GMPPA: variants seen among roughly 807,000 people sequenced by gnomAD.
GMPPA encodes the protein GDP-mannose pyrophosphorylase A.
GMPPA carries 46 observed loss-of-function variants against 58.6 expected under a neutral mutation model. The observed-to-expected ratio is 0.78, with a 90% CI of 0.62 to 1.00. GMPPA has a LOEUF of 1.00. Ranked by LOEUF, GMPPA falls within the 50% of genes least tolerant of loss-of-function variation. The pLI, the probability that GMPPA is intolerant of heterozygous loss-of-function variation, is 0.00. For missense variants in GMPPA, 468 were observed against 556.4 expected (o/e 0.84, Z 1.60); for synonymous variants, 211 against 214.9 (o/e 0.98, Z 0.16).
chr2:219,506,659 C>T (rs753886368), intron 12 of GMPPA, 39 bp from the exon 13 acceptor site: 1 of 1,222,638 alleles, frequency 8.2e-7, no homozygotes, highest in South Asian at 1.2e-5. Flanking sequence ...CCTGTCTCCC[C>T]TCCCATGACC....
rs1694422131 is a variant in GMPPA at position 219,502,185 on chromosome 2, G to T, written c.429+148G>T. ...GATGCGCTGCTCTGGCAGCATGGAG[G>T]TGTTAGTGGAGACCCCGAGCCCTCT... On this transcript the variant is annotated intron_variant, in intron 5 of 12. Transcript: ENST00000313597. The surrounding 1 kb of genome is among the most constrained non-coding windows in gnomAD (Gnocchi z 4.0). 1 of 917,804 alleles carries T rather than the reference G, an allele frequency of 1.1e-6. No homozygotes were observed. The highest frequency in any genetic ancestry group is 1.7e-6 in the Non-Finnish European group (1 of 586,892). The allele number at this position is 917,804 out of a possible 1,614,324, so 56.9% of individuals were successfully genotyped here.
At position 219,502,292 on chromosome 2, in the gene GMPPA, C is replaced by G; in HGVS notation, c.430-90C>G. On this transcript the variant is annotated intron_variant, in intron 5 of 12. Coordinates refer to ENST00000313597, the MANE Select transcript of GMPPA (RefSeq NM_013335.4). The surrounding 1 kb of genome is among the most constrained non-coding windows in gnomAD (Gnocchi z 4.0). ...GCCTGTCAGTGGCAGAGCTGCATGC[C>G]AGGTGCTGTAGCGGAGGGAAAGAAA... is the stretch of plus-strand genomic sequence containing the variant. 1 of 1,153,970 alleles carries G rather than the reference C, an allele frequency of 8.7e-7. No individual in the cohort carries two copies. The highest frequency in any genetic ancestry group is 1.3e-6 in the Non-Finnish European group (1 of 768,792). 71.5% of individuals were successfully genotyped at this position (1,153,970 alleles called of 1,614,324 possible). A position where few individuals can be genotyped will look rare whatever the true frequency, so the allele number is the denominator to read the frequency against.
At position 219,504,190 on chromosome 2, in the gene GMPPA, G is replaced by A. The variant is rs776028863; in HGVS notation, c.597G>A (p.Gln199=). Residue 199 remains glutamine, a synonymous_variant, in exon 7 of 13, where the codon CAG becomes CAA. Transcript: ENST00000313597. ...TGAAGCCTCTTCGGGATGTCTTCCA[G>A]CGTAATCAGCAGGATGGGCAATTGT... is the stretch of plus-strand genomic sequence containing the variant. The part of the protein sequence containing the change: ...EALKPLRDVF[Q]RNQQDGQLED... 5.2e-5 allele frequency: 84 copies of A among 1,613,982 alleles called. No homozygotes were observed. In the Admixed American group the frequency reaches 1.4e-3, roughly 26 times the overall value.
Position 219,501,580 on chromosome 2 carries a change from G to C in GMPPA, c.242+1G>C. 1 of 1,581,584 alleles carries C rather than the reference G, an allele frequency of 6.3e-7. No individual in the cohort carries two copies. The highest frequency in any genetic ancestry group is 2.2e-5 in the East Asian group (1 of 44,742). On this transcript the variant is annotated splice_donor_variant, in intron 4 of 12. Transcript: ENST00000313597. LOFTEE classifies it high-confidence loss of function. ...AGCAGGAGTTTAACCTTCCAGTCAG[G>C]TGTTTGTGCACACACTCGTATATGG... is the stretch of plus-strand genomic sequence containing the variant.
chr2:219,505,196 G>A, intron 7 of GMPPA, 32 bp from the exon 8 acceptor site: 1 of 1,609,488 alleles, frequency 6.2e-7, no homozygotes, highest in Non-Finnish European at 8.5e-7. Flanking sequence ...CTCAGCTGGG[G>A]GACTAATGTC....
intron 7 of GMPPA, 57 bp from the exon 8 acceptor site, chr2:219,505,171 G>A: frequency 6.4e-7 from 1 of 1,569,092 alleles, no homozygotes; most frequent in Admixed American, 1.7e-5. Flanking sequence ...GACTGTGTTA[G>A]CCCCACAGTC....
At chr2:219,499,437 A>G (rs918542906) in intron 1 of GMPPA, among the ~76,000 whole-genome samples, 1 of 152,210 alleles carries the variant, frequency 6.6e-6, no homozygotes, top group Admixed American at 6.5e-5. Context: ...TCAGGGCTTA[A>G]TATCTAGAAT....
At chr2:219,504,414 C>T in intron 7 of GMPPA, 1 of 593,684 alleles carries the variant, frequency 1.7e-6, no homozygotes, top group South Asian at 2.1e-5. Context: ...ATCCCAGTTC[C>T]TCCTCTGTCA....
chr2:219,505,338 T>C lies in GMPPA; in HGVS notation c.731T>C (p.Ile244Thr), dbSNP rs1694541066. The change falls in exon 8 of 13, where the codon ATC becomes ACC. Residue 244 changes from isoleucine to threonine, a missense_variant. Ile to Thr is a moderately conservative substitution (Grantham distance 89). Coordinates refer to ENST00000313597, the MANE Select transcript of GMPPA (RefSeq NM_013335.4). ...GQIYVHLTDG[I>T]WSQIKSAGSA... ...ATATACGTGCATCTCACTGATGGTA[T>C]CTGGAGTCAGATCAAGTCCGCAGGG... 6 of 1,613,862 alleles carry C rather than the reference T, an allele frequency of 3.7e-6. No individual in the cohort carries two copies. Among genetic ancestry groups the C allele is most frequent in the Non-Finnish European group, 5.1e-6 (6 of 1,180,006 alleles).
Position 219,505,750 on chromosome 2 carries a change from C to T in GMPPA, c.889C>T (p.Pro297Ser), listed in dbSNP as rs773504203. 1.2e-6 allele frequency: 2 copies of T among 1,608,028 alleles called. No individual in the cohort carries two copies. The highest frequency in any genetic ancestry group is 3.3e-5 in the Admixed American group (2 of 59,924). ...VYIHPTAKVAPSAVLGPNVSI... is the reference protein window; with the variant it reads ...VYIHPTAKVASSAVLGPNVSI... ...CATCCACCCGACCGCCAAGGTGGCC[C>T]CCTCGGCTGTGGTGAGCACTGGTCC... Residue 297 changes from proline to serine, a missense_variant, in exon 10 of 13, where the codon CCC becomes TCC. Physicochemically the swap from Pro to Ser is moderately conservative, Grantham distance 74 (BLOSUM62 -1). Transcript: ENST00000313597.
At chr2:219,504,301 T>A in intron 7 of GMPPA, 88 bp downstream of exon 7, 1 of 1,269,896 alleles carries the variant, frequency 7.9e-7, no homozygotes, top group Non-Finnish European at 1.1e-6. Context: ...CCATCTCAAC[T>A]TGCTCACCTT....
In GMPPA at chr2:219,504,210, A is replaced by G. The variant is rs1272105226; in HGVS notation, c.617A>G (p.Gln206Arg). The change falls in exon 7 of 13, where the codon CAA (glutamine) becomes CGA (arginine). Residue 206 changes from glutamine (Q) to arginine (R), a missense_variant. Physicochemically the swap from Gln to Arg is conservative, Grantham distance 43. Transcript: ENST00000313597. ...DVFQRNQQDG[Q>R]LEDSPGLWPG... The stretch of plus-strand genomic sequence containing the variant: ...TTCCAGCGTAATCAGCAGGATGGGC[A>G]ATTGTGAGGCAGGCCCCATAGCCCT... 1 of 1,613,974 alleles carries G rather than the reference A, an allele frequency of 6.2e-7. No homozygotes were observed. Among genetic ancestry groups the G allele is most frequent in the Non-Finnish European group, 8.5e-7 (1 of 1,179,930 alleles).
chr2:219,505,070 G>A (rs1694528012), intron 7 of GMPPA, 158 bp from the exon 8 acceptor site: 2 of 909,708 alleles, frequency 2.2e-6, no homozygotes, highest in South Asian at 1.8e-5. Flanking sequence ...TTCCTGGGAT[G>A]TGAGCAGCCA....
chr2:219,501,743 C>A, intron 4 of GMPPA, 108 bp from the exon 5 acceptor site: 1 of 990,892 alleles, frequency 1.0e-6, no homozygotes, highest in Non-Finnish European at 1.6e-6. Flanking sequence ...TCTCTGTGGG[C>A]CTTGGGCAGG....
intron 12 of GMPPA, 127 bp downstream of exon 12, chr2:219,506,549 G>A: frequency 9.3e-7 from 1 of 1,077,174 alleles, no homozygotes; most frequent in Non-Finnish European, 1.3e-6. Context: ...AGGGCCTGCT[G>A]TGTGCCAGGC....
rs776938149 is a variant in GMPPA, at chr2:219,502,362, C to T, written c.430-20C>T. 12 of 1,611,462 alleles carry T rather than the reference C, an allele frequency of 7.4e-6. No homozygotes were observed. The highest frequency in any genetic ancestry group is 3.3e-5 in the South Asian group (3 of 91,014). ...CCCTGGAGCAGGCGGGTCACTGTCTCGGGTGTGTCTGTCTTTCAGGCTAAC... is the reference window on the plus strand; with the variant it reads ...CCCTGGAGCAGGCGGGTCACTGTCTTGGGTGTGTCTGTCTTTCAGGCTAAC... On this transcript the variant is annotated intron_variant, in intron 5 of 12. Coordinates refer to ENST00000313597, the MANE Select transcript of GMPPA (RefSeq NM_013335.4). This position sits in a 1 kb window ranked among gnomAD's most constrained non-coding sequence, Gnocchi z 4.0.
intron 1 of GMPPA, chr2:219,499,199 C>A (rs1224846189): frequency 6.6e-6 from 1 of 152,272 alleles, no homozygotes; most frequent in Non-Finnish European, 1.5e-5. Context: ...TCAATAGGTT[C>A]AGTGTTTGAG....
chr2:219,506,264 G>T lies in GMPPA; in HGVS notation c.1004G>T (p.Cys335Phe). ...LHGATLQEHT[C>F]VLHSIVGWGS... Reference sequence around the variant, plus strand: ...TGTCCTCTTTGGCAGGAGCACACGTGTGTTCTGCATAGCATCGTGGGCTGG... The same window carrying T: ...TGTCCTCTTTGGCAGGAGCACACGTTTGTTCTGCATAGCATCGTGGGCTGG... Residue 335 changes from cysteine to phenylalanine, a missense_variant, in exon 12 of 13, where the codon TGT (cysteine) becomes TTT (phenylalanine). Coordinates refer to ENST00000313597, the MANE Select transcript of GMPPA (RefSeq NM_013335.4). The T allele has an allele frequency of 6.2e-7, 1 of 1,611,028 alleles. No individual in the cohort carries two copies. Among genetic ancestry groups the T allele is most frequent in the East Asian group, 2.2e-5 (1 of 44,826 alleles).
chr2:219,499,468 A>ATTTGAGGCTTCAGTAT (rs1405537440), intron 1 of GMPPA, among the ~76,000 whole-genome samples: 18 of 152,154 alleles, frequency 1.2e-4, no homozygotes, highest in Admixed American at 1.1e-3. Flanking sequence ...CACTTTGGGA[A>ATTTGAGGCTTCAGTAT]TTTGAGGCTT....
Sources: gnomAD v4.1 joint callset for allele counts (sites outside exome capture counted in the v4.1 genomes callset) on GRCh38, gnomAD v4.1.1 for gene constraint, Gnocchi (gnomAD v3.1) non-coding constraint, MANE v1.5 for transcripts, NCBI Gene and HGNC (gene_info 2026-07-23, HGNC 2026-07-21) for gene names.